Variants in DENND3 observed in about 807,000 individuals in gnomAD.
The protein encoded by DENND3 is DENN domain containing 3, also known as DENN domain-containing protein 3.
DENND3 carries 88 observed loss-of-function variants against 135.1 expected under a neutral mutation model. The ratio of observed to expected loss-of-function variants is 0.65; its 90% confidence interval spans 0.55 to 0.78. The LOEUF (loss-of-function observed/expected upper bound fraction) is 0.78. Among genes scored for constraint, DENND3 ranks in the 30% least tolerant of loss-of-function variants. DENND3 has a pLI of 0.00. For synonymous variants in DENND3, 693 were observed against 712.3 expected (o/e 0.97, Z 0.43); for missense variants, 1,392 against 1,688.4 (o/e 0.82, Z 3.08).
At chr8:141,163,229 TCAAAG>T in intron 9 of DENND3, 99 bp from the exon 10 acceptor site, 1 of 592,348 alleles carries the variant, frequency 1.7e-6, no homozygotes, top group Non-Finnish European at 3.0e-6. Flanking sequence ...CATGGCTTTT[TCAAAG>T]TTCGTATCTC....
chr8:141,169,240 G>A (rs1821189239), intron 13 of DENND3, among the ~76,000 whole-genome samples: 3 of 152,266 alleles, frequency 2.0e-5, no homozygotes, highest in African/African-American at 4.8e-5. Flanking sequence ...AGGCAAGACC[G>A]CTGCAGCACC....
chr8:141,159,964 G>A (rs1819923436), intron 8 of DENND3, among the ~76,000 whole-genome samples: 1 of 152,224 alleles, frequency 6.6e-6, no homozygotes, highest in Non-Finnish European at 1.5e-5. Flanking sequence ...AAGCCATGGG[G>A]GAGCTGTGAC....
chr8:141,134,956 G>C (rs1050917180), intron 1 of DENND3, among the ~76,000 whole-genome samples: 1 of 151,794 alleles, frequency 6.6e-6, no homozygotes, highest in Non-Finnish European at 1.5e-5. Flanking sequence ...TCAGCCCCCC[G>C]CCCGGCCGAG....
chr8:141,158,213 G>A (rs1339991543), intron 8 of DENND3: 1 of 1,289,724 alleles, frequency 7.8e-7, no homozygotes, highest in Non-Finnish European at 1.0e-6. Flanking sequence ...CTGAGCAGCT[G>A]TTCTGTTGGC....
chr8:141,147,743 C>T (rs1403224360), intron 5 of DENND3, among the ~76,000 whole-genome samples: 5 of 152,338 alleles, frequency 3.3e-5, no homozygotes, highest in South Asian at 2.1e-4. Context: ...CTGAGCTGCA[C>T]GAAGGTAGAG....
intron 15 of DENND3, 25 bp downstream of exon 15, chr8:141,176,786 C>A: frequency 1.2e-6 from 2 of 1,604,356 alleles, no homozygotes; most frequent in Non-Finnish European, 1.7e-6. Context: ...TCCCCTCTGC[C>A]CTTTGCTGTG....
rs1054906425 is a variant in DENND3, at chr8:141,154,149, C to T, written c.1075-1700C>T. On this transcript the variant is annotated intron_variant, in intron 7 of 22. Transcript: ENST00000519811. The surrounding 1 kb of genome is among the most constrained non-coding windows in gnomAD (Gnocchi z 4.4). ...GCCAAGAATGTGTTTGCACATATTT[C>T]ATGTAGCCACCTGAACTGCACTCCA... Among the ~76,000 whole-genome samples, 1 of 152,238 alleles carries T rather than the reference C, an allele frequency of 6.6e-6. No homozygotes were observed. The highest frequency in any genetic ancestry group is 1.5e-5 in the Non-Finnish European group (1 of 68,044).
intron 5 of DENND3, chr8:141,150,407 C>A: frequency 2.1e-6 from 2 of 962,404 alleles, no homozygotes; most frequent in Non-Finnish European, 2.8e-6. Flanking sequence ...CTTGAAGGAG[C>A]TTTGACTATT....
chr8:141,170,801 G>A (rs944939268), intron 13 of DENND3, among the ~76,000 whole-genome samples: 2 of 152,202 alleles, frequency 1.3e-5, no homozygotes, highest in Non-Finnish European at 2.9e-5. Flanking sequence ...AGGCTCCTCC[G>A]TGTCATCTAG....
Position 141,150,843 on chromosome 8 carries a change from A to G in DENND3, c.745A>G (p.Met249Val), listed in dbSNP as rs1027331470. The change falls in exon 6 of 23, where the codon ATG (methionine) becomes GTG (valine). Residue 249 changes from methionine (M) to valine (V), a missense_variant. By Grantham distance (21) the Met-to-Val change is conservative (BLOSUM62 1). Transcript: ENST00000519811. ...PPGPLHLVFN[M>V]KSLQIVLPAR... ...GAACTGGTTGTCGTAGGTATTTAAC[A>G]TGAAGTCGCTCCAGATTGTGTTACC... 1.2e-6 allele frequency: 2 copies of G among 1,600,762 alleles called. No homozygotes were observed. The highest frequency in any genetic ancestry group is 1.7e-6 in the Non-Finnish European group (2 of 1,175,780).
chr8:141,132,277 G>A (rs2154612643), intron 1 of DENND3, among the ~76,000 whole-genome samples: 1 of 152,314 alleles, frequency 6.6e-6, no homozygotes, highest in East Asian at 1.9e-4. Context: ...TGGGAAGGAT[G>A]TATCCACCCT....
rs967753969 is a variant in DENND3, at chr8:141,141,776, C to G, written c.623+452C>G. ...AGATGACCTTGGCTGGGTGTGGTGG[C>G]TCACACCTGTAATCCCAGCATATTG... is the stretch of plus-strand genomic sequence containing the variant. On this transcript the variant is annotated intron_variant, in intron 4 of 22. Coordinates refer to ENST00000519811, the MANE Select transcript of DENND3 (RefSeq NM_001352890.3). The surrounding 1 kb of genome is among the most constrained non-coding windows in gnomAD (Gnocchi z 5.3). 1.5e-5 allele frequency: 3 copies of G among 206,666 alleles called. No homozygotes were observed. The highest frequency in any genetic ancestry group is 3.0e-5 in the Non-Finnish European group (3 of 99,596). The allele number at this position is 206,666 out of a possible 1,614,324, so 12.8% of individuals were successfully genotyped here.
At position 141,192,603 on chromosome 8, in the gene DENND3, G is replaced by A. The variant is rs750338379; in HGVS notation, c.3576G>A (p.Pro1192=). Residue 1192 remains proline, a synonymous_variant, in exon 22 of 23, where the codon CCG becomes CCA. Transcript: ENST00000519811. ...GCCTGAAGGACCTGGCCCAGCCCCC[G>A]CAGAGGGTGCCCCTCGAGGACTGCT... ...IWSLKDLAQP[P]QRVPLEDCSE... 41 of 1,589,748 alleles carry A rather than the reference G, an allele frequency of 2.6e-5. No individual in the cohort carries two copies. Among genetic ancestry groups the A allele is most frequent in the Non-Finnish European group, 3.2e-5 (37 of 1,164,834 alleles).
At chr8:141,186,047 A>G (rs1442957203) in intron 18 of DENND3, among the ~76,000 whole-genome samples, 1 of 151,066 alleles carries the variant, frequency 6.6e-6, no homozygotes, top group Non-Finnish European at 1.5e-5. Flanking sequence ...GGCTCAAGGG[A>G]TCCACCTCGG....
At chr8:141,190,964 A>G (rs570175091) in intron 20 of DENND3, among the ~76,000 whole-genome samples, 3 of 152,370 alleles carry the variant, frequency 2.0e-5, no homozygotes, top group African/African-American at 4.8e-5. Context: ...AGAGCACAGA[A>G]GTTGCCGGCA....
Position 141,176,711 on chromosome 8 carries a change from C to A in DENND3, c.2656C>A (p.Leu886Met). 6.2e-7 allele frequency: 1 copy of A among 1,614,210 alleles called. No individual in the cohort carries two copies. The highest frequency in any genetic ancestry group is 8.5e-7 in the Non-Finnish European group (1 of 1,180,034). Residue 886 changes from leucine to methionine, a missense_variant, in exon 15 of 23, where the codon CTG becomes ATG. Coordinates refer to ENST00000519811, the MANE Select transcript of DENND3 (RefSeq NM_001352890.3). ...NLKTECDLWHLMVKEMWAGKK... is the reference protein window; with the variant it reads ...NLKTECDLWHMMVKEMWAGKK... The stretch of plus-strand genomic sequence containing the variant: ...GAAAACCGAGTGTGACCTTTGGCAC[C>A]TGATGGTGAAGGAGATGTGGGCTGG...
At chr8:141,183,803 G>A (rs1004089417) in intron 17 of DENND3, among the ~76,000 whole-genome samples, 2 of 151,622 alleles carry the variant, frequency 1.3e-5, no homozygotes, top group African/African-American at 4.9e-5. Context: ...CAGGCTCCAG[G>A]GCAACGCTCA....
At chr8:141,165,786 A>C (rs368812500) in intron 11 of DENND3, among the ~76,000 whole-genome samples, 27 of 152,144 alleles carry the variant, frequency 1.8e-4, no homozygotes, top group African/African-American at 6.5e-4. Context: ...TTGAGGGAAC[A>C]CTTGAAACGT....
Position 141,154,350 on chromosome 8 carries a change from G to A in DENND3, c.1075-1499G>A, listed in dbSNP as rs750828972. On this transcript the variant is annotated intron_variant, in intron 7 of 22. Coordinates refer to ENST00000519811, the MANE Select transcript of DENND3 (RefSeq NM_001352890.3). The surrounding 1 kb of genome is among the most constrained non-coding windows in gnomAD (Gnocchi z 4.4). ...TATCTCAAATATTCCAGGGCTACGC[G>A]GTCTCTTAGCCCAGGCCCCTGCCCA... Among the ~76,000 whole-genome samples, 7 of 152,156 alleles carry A rather than the reference G, an allele frequency of 4.6e-5. No homozygotes were observed. The highest frequency in any genetic ancestry group is 7.3e-5 in the Non-Finnish European group (5 of 68,030).
Sources: allele counts gnomAD v4.1 joint callset (sites outside exome capture counted in the v4.1 genomes callset), GRCh38; gene constraint gnomAD v4.1.1; non-coding constraint Gnocchi (gnomAD v3.1); transcripts MANE v1.5; gene names NCBI Gene and HGNC (gene_info 2026-07-23, HGNC 2026-07-21).